The following SH3RF3 variants were observed in gnomAD, a reference collection of about 807,000 sequenced individuals.
SH3RF3 encodes the protein SH3 domain containing ring finger 3, also known as E3 ubiquitin-protein ligase SH3RF3.
SH3RF3 carries 29 observed loss-of-function variants against 66.3 expected under a neutral mutation model. That is an observed-to-expected ratio of 0.44 (90% CI 0.33 to 0.60). The LOEUF (loss-of-function observed/expected upper bound fraction) is 0.60. Ranked by LOEUF, SH3RF3 falls within the 20% of genes least tolerant of loss-of-function variation. The pLI is 0.04. For missense variants in SH3RF3, 1,194 were observed against 1,190.9 expected, an observed-to-expected ratio of 1.00 and a Z score of -0.04; for synonymous variants, 583 against 532.0, an observed-to-expected ratio of 1.10 and a Z score of -1.32.
chr2:109,498,244 C>G (rs778728739), intron 9 of SH3RF3, among the ~76,000 whole-genome samples: 5 of 152,228 alleles, frequency 3.3e-5, no homozygotes, highest in Non-Finnish European at 7.3e-5. Flanking sequence ...CCCGTAGATG[C>G]TCTGAGACAC....
At chr2:109,146,002 G>A (rs1006491870) in intron 1 of SH3RF3, among the ~76,000 whole-genome samples, 15 of 149,074 alleles carry the variant, frequency 1.0e-4, no homozygotes, top group African/African-American at 3.6e-4. Context: ...GTGACCTCCC[G>A]GCCGCAGTGT....
intron 8 of SH3RF3, among the ~76,000 whole-genome samples, chr2:109,470,361 C>G (rs1454032352): frequency 6.6e-6 from 1 of 152,186 alleles, no homozygotes; most frequent in Non-Finnish European, 1.5e-5. Context: ...TCATCTTTTC[C>G]AGAGTTTTGC....
At chr2:109,330,660 A>T (rs149249945) in intron 1 of SH3RF3, among the ~76,000 whole-genome samples, 52 of 152,266 alleles carry the variant, frequency 3.4e-4, no homozygotes, top group Non-Finnish European at 6.3e-4. Context: ...GGGATGATAG[A>T]TTGAGGAGTG....
intron 1 of SH3RF3, among the ~76,000 whole-genome samples, chr2:109,221,539 G>T (rs1022005007): frequency 3.4e-5 from 5 of 145,170 alleles, no homozygotes; most frequent in Admixed American, 7.1e-5. Context: ...CCGCGATCGC[G>T]CCAGTGCACT....
intron 1 of SH3RF3, among the ~76,000 whole-genome samples, chr2:109,205,279 T>A (rs77296668): frequency 4.7e-5 from 7 of 148,716 alleles, no homozygotes; most frequent in Non-Finnish European, 8.9e-5. Flanking sequence ...TTTTTTTTTT[T>A]AAACTGAGTC....
At chr2:109,400,784 G>GTAACC (rs1464254527) in intron 4 of SH3RF3, among the ~76,000 whole-genome samples, 2 of 152,226 alleles carry the variant, frequency 1.3e-5, no homozygotes, top group Non-Finnish European at 2.9e-5. Context: ...GTCTGGAGCT[G>GTAACC]TAACCGTGCA....
intron 1 of SH3RF3, among the ~76,000 whole-genome samples, chr2:109,207,304 G>T (rs754100632): frequency 2.5e-4 from 38 of 152,144 alleles, no homozygotes; most frequent in Non-Finnish European, 4.7e-4. Flanking sequence ...TCTGATTAAA[G>T]AATTTGTCTC....
At chr2:109,349,711 G>A (rs1051546786) in intron 2 of SH3RF3, among the ~76,000 whole-genome samples, 3 of 152,222 alleles carry the variant, frequency 2.0e-5, no homozygotes, top group Non-Finnish European at 4.4e-5. Flanking sequence ...CTCTCCACTC[G>A]GGAGAACCCA....
At chr2:109,161,689 T>C (rs1484530981) in intron 1 of SH3RF3, among the ~76,000 whole-genome samples, 3 of 151,768 alleles carry the variant, frequency 2.0e-5, no homozygotes, top group Admixed American at 1.3e-4. Context: ...GCAGAGATCA[T>C]ACAGTGAGAG....
chr2:109,389,958 G>A (rs1476066420), intron 3 of SH3RF3, among the ~76,000 whole-genome samples: 1 of 152,112 alleles, frequency 6.6e-6, no homozygotes, highest in African/African-American at 2.4e-5. Context: ...TGCTCCCCTT[G>A]TTCCTCCTCA....
intron 5 of SH3RF3, among the ~76,000 whole-genome samples, chr2:109,427,069 A>G (rs993404756): frequency 3.9e-5 from 6 of 152,082 alleles, no homozygotes; most frequent in African/African-American, 1.2e-4. Flanking sequence ...CCTGGGTTCA[A>G]GCGATTCTCT....
At chr2:109,449,083 G>A (rs1559089192) in intron 7 of SH3RF3, 87 bp from the exon 8 acceptor site, 1 of 1,460,842 alleles carries the variant, frequency 6.8e-7, no homozygotes, top group Non-Finnish European at 9.3e-7. Context: ...CGAGAAGGGA[G>A]CCTGAGTGTG....
chr2:109,227,437 A>G (rs915966146), intron 1 of SH3RF3, among the ~76,000 whole-genome samples: 3 of 152,176 alleles, frequency 2.0e-5, no homozygotes, highest in African/African-American at 7.2e-5. Context: ...TCTCACAGTC[A>G]AGTAAAAACC....
In SH3RF3 at chr2:109,398,679, C is replaced by T. The variant is rs371934571; in HGVS notation, c.1035C>T (p.Ser345=). The change falls in exon 4 of 10, where the codon TCC becomes TCT. Residue 345 remains serine (S), a synonymous_variant. Coordinates refer to ENST00000309415, the MANE Select transcript of SH3RF3 (RefSeq NM_001099289.3). The stretch of plus-strand genomic sequence containing the variant: ...GCAATGCCTCCCTGCCCTCTGACTC[C>T]GGCGCTGTGGCCAGCGTGGCCCCAA... ...SSCNASLPSD[S]GAVASVAPSP... is the part of the protein sequence containing the mutation. 115 of 1,609,516 alleles carry T rather than the reference C, an allele frequency of 7.1e-5. No homozygotes were observed. The highest frequency in any genetic ancestry group is 1.3e-4 in the Admixed American group (8 of 59,570).
chr2:109,300,676 A>G (rs941797873), intron 1 of SH3RF3, among the ~76,000 whole-genome samples: 2 of 151,966 alleles, frequency 1.3e-5, no homozygotes, highest in Admixed American at 6.6e-5. Context: ...TCTCCATCCA[A>G]CCACCTTCCT....
intron 1 of SH3RF3, among the ~76,000 whole-genome samples, chr2:109,190,542 G>A (rs1332749248): frequency 6.6e-6 from 1 of 152,098 alleles, no homozygotes; most frequent in African/African-American, 2.4e-5. Flanking sequence ...TGTTTCCTGT[G>A]GAATTGTATA....
intron 8 of SH3RF3, among the ~76,000 whole-genome samples, chr2:109,456,955 G>T (rs1678076801): frequency 6.6e-6 from 1 of 152,236 alleles, no homozygotes; most frequent in Non-Finnish European, 1.5e-5. Flanking sequence ...AGCGAGTGAA[G>T]CTTGAATTTG....
At chr2:109,345,098 C>A (rs1221556742) in intron 1 of SH3RF3, among the ~76,000 whole-genome samples, 1 of 152,182 alleles carries the variant, frequency 6.6e-6, no homozygotes, top group African/African-American at 2.4e-5. Flanking sequence ...GTGTGTCTCG[C>A]AGTGTCTCTG....
intron 1 of SH3RF3, among the ~76,000 whole-genome samples, chr2:109,226,015 A>G (rs181531967): frequency 6.6e-6 from 1 of 152,354 alleles, no homozygotes; most frequent in African/African-American, 2.4e-5. Context: ...TTAATATTAG[A>G]GTAGTATTTT....
Sources: gnomAD v4.1 joint callset for allele counts (sites outside exome capture counted in the v4.1 genomes callset) on GRCh38, gnomAD v4.1.1 for gene constraint, MANE v1.5 for transcripts, NCBI Gene and HGNC (gene_info 2026-07-23, HGNC 2026-07-21) for gene names.